The following XKR6 variants were observed in gnomAD, a reference collection of about 807,000 sequenced individuals.
XKR6 encodes the protein XK related 6.
A neutral mutation model predicts 56.7 loss-of-function variants in XKR6; 22 were observed. The ratio of observed to expected loss-of-function variants is 0.39; its 90% CI spans 0.28 to 0.55. The LOEUF (loss-of-function observed/expected upper bound fraction) is 0.55. Ranked by LOEUF, XKR6 falls within the 20% of genes least tolerant of loss-of-function variation. The probability of loss-of-function intolerance (pLI) is 0.66; values close to 1 mark genes in which losing one functional copy is unlikely to be tolerated. For missense variants in XKR6, 852 were observed against 889.0 expected, an observed-to-expected ratio of 0.96 and a Z score of 0.53; for synonymous variants, 524 against 387.8, an observed-to-expected ratio of 1.35 and a Z score of -4.13.
At chr8:11,116,759 ACCTCAT>A (rs1028070038) in intron 1 of XKR6, among the ~76,000 whole-genome samples, 1 of 151,938 alleles carries the variant, frequency 6.6e-6, no homozygotes, top group African/African-American at 2.4e-5. Flanking sequence ...ACATCTCACA[ACCTCAT>A]CCATGCCACA....
intron 1 of XKR6, among the ~76,000 whole-genome samples, chr8:11,103,551 C>T (rs1179029987): frequency 6.6e-6 from 1 of 152,142 alleles, no homozygotes. Context: ...GCATGCTAAT[C>T]CATTCTGTGA....
intron 1 of XKR6, among the ~76,000 whole-genome samples, chr8:11,093,001 G>A (rs1265959296): frequency 2.6e-5 from 4 of 151,906 alleles, no homozygotes; most frequent in African/African-American, 9.7e-5. Flanking sequence ...TCCCCAGCTT[G>A]CTTGCTTTTC....
Position 11,130,177 on chromosome 8 carries a change from TTGTGTGTA to T in XKR6, c.764+70391_764+70398del, listed in dbSNP as rs926109101. Among the ~76,000 whole-genome samples, 11 of 152,176 alleles carry T rather than the reference TTGTGTGTA, an allele frequency of 7.2e-5. 1 individual carries two copies. In the Middle Eastern group the frequency reaches 0.01, roughly 141 times the overall value. ...GGAAATAACACTATTTTGTGGCTGG[TTGTGTGTA>T]TGTGTGTATGTATTTAGGGTTAAGA... On this transcript the variant is annotated intron_variant, in intron 1 of 2. Coordinates refer to ENST00000416569, the MANE Select transcript of XKR6 (RefSeq NM_173683.4).
chr8:11,185,139 G>A (rs1303661069), intron 1 of XKR6, among the ~76,000 whole-genome samples: 1 of 152,106 alleles, frequency 6.6e-6, no homozygotes, highest in South Asian at 2.1e-4. Context: ...CCTGTGATGG[G>A]ATGGCACCCT....
At chr8:11,123,720 G>T in intron 1 of XKR6, 2 of 381,536 alleles carry the variant, frequency 5.2e-6, no homozygotes, top group South Asian at 3.9e-5. Context: ...TGAATCTCCT[G>T]AAGAAATCCA....
At chr8:11,118,283 T>C (rs1799275692) in intron 1 of XKR6, among the ~76,000 whole-genome samples, 1 of 152,216 alleles carries the variant, frequency 6.6e-6, no homozygotes, top group Non-Finnish European at 1.5e-5. Flanking sequence ...TTTTGTTGTA[T>C]CTCTGCCAGG....
intron 1 of XKR6, among the ~76,000 whole-genome samples, chr8:10,957,025 GC>G (rs1801910463): frequency 6.6e-6 from 1 of 152,184 alleles, no homozygotes; most frequent in African/African-American, 2.4e-5. Context: ...ATCTTGGATT[GC>G]TACAACCTCT....
At chr8:10,959,210 C>A (rs756020807) in intron 1 of XKR6, among the ~76,000 whole-genome samples, 3 of 152,180 alleles carry the variant, frequency 2.0e-5, no homozygotes, top group Non-Finnish European at 4.4e-5. Context: ...CCCTCCCTCC[C>A]CACTCTATGG....
chr8:11,172,126 G>A (rs59547174), intron 1 of XKR6, among the ~76,000 whole-genome samples: 2,343 of 151,692 alleles, frequency 0.015, 60 homozygotes, highest in African/African-American at 0.051. Flanking sequence ...ATCCCAGCAC[G>A]TTGGGAGCCT....
At chr8:11,021,463 C>T (rs766074187) in intron 1 of XKR6, among the ~76,000 whole-genome samples, 9 of 152,292 alleles carry the variant, frequency 5.9e-5, no homozygotes, top group Admixed American at 1.3e-4. Context: ...CAATGGTTTA[C>T]ATTCATAACA....
chr8:10,898,167 G>C lies in XKR6; in HGVS notation c.1711C>G (p.Pro571Ala), dbSNP rs1254886831. ...PVFQVRPMGP[P>A]TPLGRPYLPE... is the part of the protein sequence containing the mutation. ...AGGTAAGGACGCCCCAACGGGGTAG[G>C]GGGCCCCATGGGTCTCACTTGGAAA... The change falls in exon 3 of 3, where the codon CCT becomes GCT. Residue 571 changes from proline to alanine, a missense_variant. This residue lies in a region of XKR6 where 197 missense variants were observed against 190.9 expected (regional missense o/e 1.03). Coordinates refer to ENST00000416569, the MANE Select transcript of XKR6 (RefSeq NM_173683.4). The surrounding 1 kb of genome is among the most constrained non-coding windows in gnomAD (Gnocchi z 6.6). 6.2e-7 allele frequency: 1 copy of C among 1,613,946 alleles called. No individual in the cohort carries two copies. Among genetic ancestry groups the C allele is most frequent in the African/African-American group, 1.3e-5 (1 of 74,902 alleles).
intron 1 of XKR6, among the ~76,000 whole-genome samples, chr8:11,031,778 C>G (rs1252647706): frequency 2.6e-5 from 4 of 152,260 alleles, no homozygotes; most frequent in Non-Finnish European, 5.9e-5. Context: ...GACAGTGAAA[C>G]TAGGACTTTA....
chr8:11,057,867 A>C (rs1263750827), intron 1 of XKR6, among the ~76,000 whole-genome samples: 1 of 152,236 alleles, frequency 6.6e-6, no homozygotes, highest in African/African-American at 2.4e-5. Context: ...ATGCACAGAC[A>C]TGAATCACAG....
At chr8:10,931,816 G>A (rs1007422101) in intron 1 of XKR6, among the ~76,000 whole-genome samples, 2 of 146,322 alleles carry the variant, frequency 1.4e-5, no homozygotes, top group East Asian at 3.9e-4. Context: ...GACAGCAAAG[G>A]CATGATCCAT....
At chr8:10,917,188 G>A (rs1442795246) in intron 2 of XKR6, among the ~76,000 whole-genome samples, 3 of 152,112 alleles carry the variant, frequency 2.0e-5, no homozygotes, top group Non-Finnish European at 4.4e-5. Context: ...TCTAGGTGCT[G>A]TGTGACCTGC....
At chr8:11,105,214 A>G (rs945979031) in intron 1 of XKR6, 1 of 152,188 alleles carries the variant, frequency 6.6e-6, no homozygotes, top group Non-Finnish European at 1.5e-5. Context: ...TTCTGACTTC[A>G]CAAACCAGTA....
At chr8:11,074,860 G>C (rs1308678757) in intron 1 of XKR6, among the ~76,000 whole-genome samples, 1 of 152,238 alleles carries the variant, frequency 6.6e-6, no homozygotes, top group Non-Finnish European at 1.5e-5. Context: ...TCTGGGAGCA[G>C]GATGAGCAAA....
chr8:10,933,697 CAG>C (rs1801133737), intron 1 of XKR6, among the ~76,000 whole-genome samples: 1 of 147,712 alleles, frequency 6.8e-6, no homozygotes, highest in Admixed American at 6.7e-5. Context: ...TGTCAAAGAT[CAG>C]ATAGTTGTAG....
rs770702843 is a variant in XKR6, at chr8:11,123,052, C to T, written c.764+77524G>A. ...AGGAGTTCCAGACCAGCCCGGCCAA[C>T]ATGGTGAAACCTCGTCTCTACTAAA... is the stretch of plus-strand genomic sequence containing the variant. On this transcript the variant is annotated intron_variant, in intron 1 of 2. Transcript: ENST00000416569. Among the ~76,000 whole-genome samples, 12 of 152,184 alleles carry T rather than the reference C, an allele frequency of 7.9e-5. No homozygotes were observed. In the East Asian group the frequency reaches 2.3e-3, roughly 29 times the overall value.
Sources: gnomAD v4.1 joint callset for allele counts (sites outside exome capture counted in the v4.1 genomes callset) on GRCh38, gnomAD v4.1.1 for gene constraint, gnomAD v4.1.1 regional missense constraint, Gnocchi (gnomAD v3.1) non-coding constraint, MANE v1.5 for transcripts, NCBI Gene and HGNC (gene_info 2026-07-23, HGNC 2026-07-21) for gene names.